Variants in INPP4B observed in about 807,000 individuals in gnomAD.
INPP4B encodes the protein inositol polyphosphate-4-phosphatase type II B, also known as inositol polyphosphate 4-phosphatase type II.
Under a neutral mutation model 122.5 loss-of-function variants are expected in INPP4B, and 55 were observed. That is an observed-to-expected ratio of 0.45 (90% CI 0.36 to 0.56). INPP4B has a LOEUF of 0.56. INPP4B is among the 20% of genes least tolerant of loss of function. The pLI is 0.00. For missense variants in INPP4B, 1,000 were observed against 1,097.7 expected (o/e 0.91, Z 1.26); for synonymous variants, 403 against 388.7 (o/e 1.04, Z -0.43).
intron 2 of INPP4B, among the ~76,000 whole-genome samples, chr4:142,656,874 G>T (rs1580642091): frequency 6.6e-6 from 1 of 152,240 alleles, no homozygotes; most frequent in African/African-American, 2.4e-5. Flanking sequence ...TAAAGTTTTG[G>T]TTGTGGAAAA....
intron 7 of INPP4B, among the ~76,000 whole-genome samples, chr4:142,393,300 C>A (rs1798324761): frequency 6.6e-6 from 1 of 152,074 alleles, no homozygotes. Flanking sequence ...TAGGACCCAA[C>A]AGACCAAACC....
intron 2 of INPP4B, among the ~76,000 whole-genome samples, chr4:142,646,611 T>C (rs1221664862): frequency 2.0e-5 from 3 of 152,144 alleles, no homozygotes; most frequent in Non-Finnish European, 4.4e-5. Flanking sequence ...ATCCATTTAT[T>C]AAAAAAATAA....
intron 2 of INPP4B, among the ~76,000 whole-genome samples, chr4:142,607,582 T>C (rs77602245): frequency 0.022 from 3,364 of 152,174 alleles, 54 homozygotes; most frequent in Middle Eastern, 0.088. Context: ...TGATCCAAAA[T>C]AAAAATATAA....
chr4:142,111,775 GCT>G (rs1790251777), intron 22 of INPP4B, among the ~76,000 whole-genome samples: 1 of 150,882 alleles, frequency 6.6e-6, no homozygotes, highest in African/African-American at 2.4e-5. Context: ...ATGGAGTCTC[GCT>G]CTGCCGCCCA....
chr4:142,838,237 AATATG>A (rs1783054697), intron 1 of INPP4B, among the ~76,000 whole-genome samples: 1 of 152,118 alleles, frequency 6.6e-6, no homozygotes, highest in Non-Finnish European at 1.5e-5. Flanking sequence ...TCTAGAAGTA[AATATG>A]ATATAATTCT....
chr4:142,108,627 C>G (rs899783070), intron 22 of INPP4B, among the ~76,000 whole-genome samples: 1 of 152,180 alleles, frequency 6.6e-6, no homozygotes, highest in Non-Finnish European at 1.5e-5. Context: ...GGACACTGGG[C>G]TGCACGCAGT....
At chr4:142,648,950 G>A (rs562888516) in intron 2 of INPP4B, among the ~76,000 whole-genome samples, 14 of 152,232 alleles carry the variant, frequency 9.2e-5, no homozygotes, top group South Asian at 6.2e-4. Context: ...AGTAGGGGCC[G>A]ACAGACACCT....
At chr4:142,779,448 T>G (rs1774460362) in intron 1 of INPP4B, among the ~76,000 whole-genome samples, 1 of 152,152 alleles carries the variant, frequency 6.6e-6, no homozygotes, top group Admixed American at 6.6e-5. Flanking sequence ...CAAAGGAAGT[T>G]ATAATAAAAG....
chr4:142,517,528 A>C (rs1825560658), intron 2 of INPP4B, among the ~76,000 whole-genome samples: 1 of 152,202 alleles, frequency 6.6e-6, no homozygotes, highest in Non-Finnish European at 1.5e-5. Flanking sequence ...TACCAGGTGC[A>C]TCCTTGCACT....
intron 2 of INPP4B, among the ~76,000 whole-genome samples, chr4:142,708,962 G>A (rs969254347): frequency 1.8e-4 from 27 of 152,032 alleles, no homozygotes; most frequent in African/African-American, 6.5e-4. Flanking sequence ...CCTCCACTGT[G>A]GTTCTACCCT....
chr4:142,399,557 T>C (rs1800923718), intron 7 of INPP4B, among the ~76,000 whole-genome samples: 3 of 152,148 alleles, frequency 2.0e-5, no homozygotes, highest in African/African-American at 7.2e-5. Context: ...GCTTGACTCT[T>C]TAGGGCTAAA....
At chr4:142,528,653 C>G (rs1827219086) in intron 2 of INPP4B, among the ~76,000 whole-genome samples, 1 of 152,110 alleles carries the variant, frequency 6.6e-6, no homozygotes, top group Non-Finnish European at 1.5e-5. Flanking sequence ...GGAAATTACA[C>G]AAGATCATGA....
At chr4:142,177,702 T>C (rs1828960546) in intron 15 of INPP4B, among the ~76,000 whole-genome samples, 1 of 152,128 alleles carries the variant, frequency 6.6e-6, no homozygotes, top group African/African-American at 2.4e-5. Context: ...AATGCACACC[T>C]ACATCCCCAT....
At chr4:142,375,994 A>G (rs1012802292) in intron 7 of INPP4B, among the ~76,000 whole-genome samples, 1 of 151,970 alleles carries the variant, frequency 6.6e-6, no homozygotes, top group African/African-American at 2.4e-5. Context: ...TTTCCAAATT[A>G]TTGCTTTGAT....
At chr4:142,839,499 G>T (rs927481174) in intron 1 of INPP4B, among the ~76,000 whole-genome samples, 1 of 152,044 alleles carries the variant, frequency 6.6e-6, no homozygotes, top group African/African-American at 2.4e-5. Context: ...CATGTAACAA[G>T]TTCAAGTACT....
intron 11 of INPP4B, among the ~76,000 whole-genome samples, chr4:142,254,049 T>TG (rs1734140028): frequency 6.6e-6 from 1 of 152,024 alleles, no homozygotes; most frequent in Non-Finnish European, 1.5e-5. Flanking sequence ...CCCTGACCCC[T>TG]GACCCCCGAG....
intron 2 of INPP4B, among the ~76,000 whole-genome samples, chr4:142,639,640 G>A (rs1749950724): frequency 6.6e-6 from 1 of 151,998 alleles, no homozygotes. Flanking sequence ...ATAAACCAAA[G>A]GCACAGGCAG....
At chr4:142,045,443 A>G (rs972117450) in intron 25 of INPP4B, among the ~76,000 whole-genome samples, 2 of 152,166 alleles carry the variant, frequency 1.3e-5, no homozygotes, top group African/African-American at 2.4e-5. Flanking sequence ...GGAAAGCCTT[A>G]CAAGTGGCTT....
At chr4:142,349,034 C>T (rs994470056) in intron 7 of INPP4B, among the ~76,000 whole-genome samples, 3 of 152,030 alleles carry the variant, frequency 2.0e-5, no homozygotes, top group African/African-American at 7.2e-5. Flanking sequence ...TTTCTTATTT[C>T]TCTTCCAAAT....
Sources: gnomAD v4.1 joint callset for allele counts (sites outside exome capture counted in the v4.1 genomes callset) on GRCh38, gnomAD v4.1.1 for gene constraint, MANE v1.5 for transcripts, NCBI Gene and HGNC (gene_info 2026-07-23, HGNC 2026-07-21) for gene names.